The following TBXAS1 variants were observed in gnomAD, a reference collection of about 807,000 sequenced individuals.
TBXAS1 encodes the protein thromboxane-A synthase.
Under a neutral mutation model 60.7 loss-of-function variants are expected in TBXAS1, and 48 were observed. That is an observed-to-expected ratio of 0.79 (90% confidence interval 0.63 to 1.01). The LOEUF is 1.01. Among genes scored for constraint, TBXAS1 ranks in the 50% least tolerant of loss-of-function variants. The pLI is 0.00. For synonymous variants in TBXAS1, 287 were observed against 269.7 expected (o/e 1.06, Z -0.63); for missense variants, 685 against 686.3 (o/e 1.00, Z 0.02).
At chr7:139,983,804 C>T (rs944975900) in intron 9 of TBXAS1, among the ~76,000 whole-genome samples, 30 of 152,150 alleles carry the variant, frequency 2.0e-4, no homozygotes, top group Admixed American at 1.4e-3. Flanking sequence ...TGTGACTCTA[C>T]CACAGTTCAT....
At chr7:139,806,467 T>A (rs1361032902) in intron 4 of TBXAS1, among the ~76,000 whole-genome samples, 1 of 151,598 alleles carries the variant, frequency 6.6e-6, no homozygotes, top group Non-Finnish European at 1.5e-5. Flanking sequence ...TTTGCCATGT[T>A]GCCCAGGCTG....
intron 9 of TBXAS1, among the ~76,000 whole-genome samples, chr7:139,995,117 T>A (rs1037003276): frequency 2.0e-5 from 3 of 151,932 alleles, no homozygotes; most frequent in Non-Finnish European, 2.9e-5. Flanking sequence ...CAAACACATC[T>A]CGTATTCTAT....
At chr7:139,937,430 G>C (rs952027692) in intron 5 of TBXAS1, among the ~76,000 whole-genome samples, 1 of 152,168 alleles carries the variant, frequency 6.6e-6, no homozygotes, top group Non-Finnish European at 1.5e-5. Context: ...GAAGAGGAGG[G>C]GGTTCCACAC....
intron 1 of TBXAS1, among the ~76,000 whole-genome samples, chr7:139,855,937 A>G (rs1448467430): frequency 1.3e-5 from 2 of 152,238 alleles, no homozygotes; most frequent in Admixed American, 6.5e-5. Flanking sequence ...TGAAACATTA[A>G]TTAAAGACAC....
At chr7:139,881,463 T>TCC (rs1569506946) in intron 3 of TBXAS1, among the ~76,000 whole-genome samples, 66 of 151,538 alleles carry the variant, frequency 4.4e-4, no homozygotes, top group East Asian at 1.2e-3. Flanking sequence ...TTTCCCCCCC[T>TCC]CCAGGAGGGT....
chr7:139,988,913 T>C (rs1812699367), intron 9 of TBXAS1, among the ~76,000 whole-genome samples: 1 of 152,032 alleles, frequency 6.6e-6, no homozygotes, highest in Non-Finnish European at 1.5e-5. Context: ...GGGCCATTGG[T>C]AGGTAGTCCC....
At chr7:139,869,766 G>C (rs148117222) in intron 1 of TBXAS1, among the ~76,000 whole-genome samples, 131 of 152,292 alleles carry the variant, frequency 8.6e-4, no homozygotes, top group African/African-American at 3.1e-3. Flanking sequence ...GACTTCTGGA[G>C]GTTAGGACTT....
At chr7:139,970,778 GC>G (rs890633019) in intron 9 of TBXAS1, among the ~76,000 whole-genome samples, 6 of 152,234 alleles carry the variant, frequency 3.9e-5, no homozygotes, top group African/African-American at 1.4e-4. Context: ...GTTAGGGGGA[GC>G]TTTTGAGGTG....
chr7:139,815,719 A>C (rs1447239951), intron 4 of TBXAS1, among the ~76,000 whole-genome samples: 1 of 152,184 alleles, frequency 6.6e-6, no homozygotes, highest in African/African-American at 2.4e-5. Context: ...GGTGGTGGTG[A>C]AGTGCAAGTA....
intron 9 of TBXAS1, among the ~76,000 whole-genome samples, chr7:139,970,676 T>C (rs1398365276): frequency 6.6e-6 from 1 of 152,246 alleles, no homozygotes; most frequent in Non-Finnish European, 1.5e-5. Context: ...GATGCAGGAA[T>C]GAGCCAATCC....
chr7:139,819,871 A>G (rs563704807), intron 4 of TBXAS1, among the ~76,000 whole-genome samples: 70 of 151,716 alleles, frequency 4.6e-4, no homozygotes, highest in Non-Finnish European at 8.2e-4. Context: ...ACCTGCTGAC[A>G]TATTTCCTTG....
At chr7:139,904,155 T>C (rs2361655) in intron 3 of TBXAS1, among the ~76,000 whole-genome samples, 38,793 of 151,992 alleles carry the variant, frequency 0.26, 5,222 homozygotes, top group South Asian at 0.43. Context: ...CAGTTTATTC[T>C]CCTACATGTG....
At chr7:140,008,198 C>T (rs1427058347) in intron 10 of TBXAS1, among the ~76,000 whole-genome samples, 1 of 152,222 alleles carries the variant, frequency 6.6e-6, no homozygotes, top group Non-Finnish European at 1.5e-5. Flanking sequence ...AAAAGCATTA[C>T]AAAGAATGCA....
chr7:139,815,270 G>A (rs763422488), intron 4 of TBXAS1, among the ~76,000 whole-genome samples: 6 of 152,156 alleles, frequency 3.9e-5, no homozygotes, highest in Non-Finnish European at 7.3e-5. Context: ...AGACAAACAG[G>A]GTGCTCTGCA....
At chr7:139,899,653 G>C (rs1167268786) in intron 3 of TBXAS1, among the ~76,000 whole-genome samples, 1 of 152,202 alleles carries the variant, frequency 6.6e-6, no homozygotes, top group Non-Finnish European at 1.5e-5. Flanking sequence ...GCCCGGAAAG[G>C]AGTCTATATG....
intron 5 of TBXAS1, among the ~76,000 whole-genome samples, chr7:139,950,714 C>T (rs903440112): frequency 3.6e-5 from 5 of 139,832 alleles, no homozygotes; most frequent in Non-Finnish European, 3.2e-5. Flanking sequence ...ACCCCCTCGC[C>T]CTCCATCTAC....
At position 139,859,936 on chromosome 7, in the gene TBXAS1, C is replaced by T. The variant is rs148254825; in HGVS notation, c.90-12299C>T. ...GGTGGATCACTTGAGGTTAGGAGTTCGAGACCAGCCTGGCCAACATGGTAA... is the reference window on the plus strand; with the variant it reads ...GGTGGATCACTTGAGGTTAGGAGTTTGAGACCAGCCTGGCCAACATGGTAA... On this transcript the variant is annotated intron_variant, in intron 1 of 12. Coordinates refer to ENST00000448866, the MANE Select transcript of TBXAS1 (RefSeq NM_001061.7). 8.2e-3 allele frequency among the ~76,000 whole-genome samples: 1,255 copies of T among 152,172 alleles called. 9 individuals are homozygous for T. The highest frequency in any genetic ancestry group is 0.026 in the South Asian group (126 of 4,818).
In TBXAS1 at chr7:139,789,082, A is replaced by T. The variant is rs564729468; in HGVS notation, c.-80+1656A>T. Among the ~76,000 whole-genome samples, 273 of 152,312 alleles carry T rather than the reference A, an allele frequency of 1.8e-3. 1 individual carries two copies. The highest frequency in any genetic ancestry group is 3.5e-3 in the Non-Finnish European group (239 of 68,020). On this transcript the variant is annotated intron_variant, in intron 4 of 16. Coordinates refer to the TBXAS1 transcript ENST00000336425. Reference sequence around the variant, plus strand: ...TGACACCCACCAGTCTGGTAAATGGAGGTCGTTAGTGTGATGGGGTGTCAT... The same window carrying T: ...TGACACCCACCAGTCTGGTAAATGGTGGTCGTTAGTGTGATGGGGTGTCAT...
chr7:139,890,240 G>T, intron 3 of TBXAS1, among the ~76,000 whole-genome samples: 1 of 100,492 alleles, frequency 1.0e-5, no homozygotes, highest in Admixed American at 1.5e-4. Flanking sequence ...TTTTGAGACA[G>T]AGTCTCGTTT....
Sources: gnomAD v4.1 joint callset for allele counts (sites outside exome capture counted in the v4.1 genomes callset) on GRCh38, gnomAD v4.1.1 for gene constraint, MANE v1.5 for transcripts, NCBI Gene and HGNC (gene_info 2026-07-23, HGNC 2026-07-21) for gene names.